The following TP63 variants were observed in gnomAD, a reference collection of about 807,000 sequenced individuals.
TP63 encodes tumor protein 63.
A neutral mutation model predicts 82.8 loss-of-function variants in TP63; 17 were observed. The observed-to-expected ratio is 0.21, with a 90% CI of 0.14 to 0.31. TP63 has a LOEUF of 0.31. Among genes scored for constraint, TP63 ranks in the 10% least tolerant of loss-of-function variants. The pLI, the probability that TP63 is intolerant of heterozygous loss-of-function variation, is 1.00. For missense variants in TP63, 648 were observed against 895.3 expected (o/e 0.72, Z 3.52); for synonymous variants, 330 against 321.7 (o/e 1.03, Z -0.28).
At chr3:189,771,299 T>TATATATATATAATATA (rs1576917775) in intron 3 of TP63, among the ~76,000 whole-genome samples, 1 of 138,928 alleles carries the variant, frequency 7.2e-6, no homozygotes. Context: ...ATATATTATA[T>TATATATATATAATATA]TTATATATAT....
At chr3:189,770,357 T>C (rs1723246660) in intron 3 of TP63, among the ~76,000 whole-genome samples, 1 of 152,090 alleles carries the variant, frequency 6.6e-6, no homozygotes, top group Non-Finnish European at 1.5e-5. Flanking sequence ...GGCAGGTGGA[T>C]TACCTGAGAT....
At chr3:189,635,594 G>A (rs1285124332) in intron 1 of TP63, among the ~76,000 whole-genome samples, 1 of 152,030 alleles carries the variant, frequency 6.6e-6, no homozygotes, top group Non-Finnish European at 1.5e-5. Flanking sequence ...TTTGGCTAAA[G>A]GCTGCAGATC....
upstream of TP63, chr3:189,631,133 C>A: frequency 1.4e-6 from 1 of 699,526 alleles, no homozygotes; most frequent in Non-Finnish European, 1.8e-6. Context: ...GCCATTCATG[C>A]CAGCATCCAA....
At chr3:189,736,923 A>T (rs977757771) in intron 1 of TP63, among the ~76,000 whole-genome samples, 4 of 152,108 alleles carry the variant, frequency 2.6e-5, no homozygotes, top group Admixed American at 6.6e-5. Flanking sequence ...TATTAAGATG[A>T]TCTGCCCGGA....
chr3:189,709,196 G>T (rs1718418456), intron 1 of TP63, among the ~76,000 whole-genome samples: 1 of 152,138 alleles, frequency 6.6e-6, no homozygotes, highest in African/African-American at 2.4e-5. Context: ...GAACAAGGAA[G>T]ATACAATATG....
At chr3:189,682,011 T>C (rs1161015642) in intron 1 of TP63, among the ~76,000 whole-genome samples, 1 of 152,124 alleles carries the variant, frequency 6.6e-6, no homozygotes, top group Non-Finnish European at 1.5e-5. Flanking sequence ...GGTGGGAGGA[T>C]CACCTGAGAA....
At chr3:189,721,616 C>T (rs1460354205) in intron 1 of TP63, among the ~76,000 whole-genome samples, 2 of 152,084 alleles carry the variant, frequency 1.3e-5, no homozygotes. Flanking sequence ...TCAGCTAGAA[C>T]TTTGTTTCAT....
intron 3 of TP63, among the ~76,000 whole-genome samples, chr3:189,764,995 G>C (rs1282176707): frequency 6.6e-6 from 1 of 152,116 alleles, no homozygotes; most frequent in East Asian, 1.9e-4. Context: ...ATGTCTGGGT[G>C]GGGTATCAGA....
chr3:189,864,109 G>T, intron 4 of TP63, 123 bp from the exon 5 acceptor site: 1 of 1,224,266 alleles, frequency 8.2e-7, no homozygotes, highest in Non-Finnish European at 1.2e-6. Flanking sequence ...ATAGTAGCCA[G>T]TAGTAAACAG....
chr3:189,890,447 A>G (rs1720900492), intron 12 of TP63, among the ~76,000 whole-genome samples: 1 of 152,192 alleles, frequency 6.6e-6, no homozygotes, highest in Admixed American at 6.5e-5. Context: ...AGAGCCAAGC[A>G]GCAAGAAAGC....
chr3:189,874,723 C>G (rs1047084388), intron 10 of TP63, among the ~76,000 whole-genome samples: 6 of 152,102 alleles, frequency 3.9e-5, no homozygotes, highest in African/African-American at 9.7e-5. Context: ...GAAATATATA[C>G]TAACATATTT....
At chr3:189,682,544 AAAAAAAAAAATATATATATATATATATAT>A (rs1716022180) in intron 1 of TP63, among the ~76,000 whole-genome samples, 1 of 27,516 alleles carries the variant, frequency 3.6e-5, no homozygotes, top group African/African-American at 1.3e-4. Context: ...GGGAAAAAAA[AAAAAAAAAAATATATATATATATATATAT>A]ATATATATAT....
At chr3:189,636,740 A>G (rs1442238204) in intron 1 of TP63, among the ~76,000 whole-genome samples, 2 of 152,148 alleles carry the variant, frequency 1.3e-5, no homozygotes, top group Admixed American at 1.3e-4. Context: ...TATTTGCCCA[A>G]TTTTTGGTGA....
intron 1 of TP63, among the ~76,000 whole-genome samples, chr3:189,665,153 G>C (rs1175456976): frequency 2.0e-5 from 3 of 152,082 alleles, no homozygotes; most frequent in Non-Finnish European, 2.9e-5. Flanking sequence ...TTATGAGAGT[G>C]TACTACCACC....
At chr3:189,746,995 AAAAAG>A (rs921120798) in intron 3 of TP63, among the ~76,000 whole-genome samples, 4 of 151,870 alleles carry the variant, frequency 2.6e-5, no homozygotes, top group African/African-American at 9.7e-5. Context: ...AGGGAAAAAA[AAAAAG>A]AAACAAAGGT....
chr3:189,861,247 T>C lies in TP63; in HGVS notation c.580-2985T>C, dbSNP rs190518676. ...TCTCCCACATATAAGTGAGGACACA[T>C]GATACTTGATTTTCTTTTTCTGAGT... On this transcript the variant is annotated intron_variant, in intron 4 of 13. Transcript: ENST00000264731. Among the ~76,000 whole-genome samples the C allele has an allele frequency of 3.7e-3, 567 of 152,290 alleles. 7 individuals carry two copies. The highest frequency in any genetic ancestry group is 0.013 in the African/African-American group (550 of 41,550).
At chr3:189,869,547 G>A (rs189494479) in intron 9 of TP63, 141 bp downstream of exon 9, 41 of 726,492 alleles carry the variant, frequency 5.6e-5, no homozygotes, top group Admixed American at 6.8e-5. Flanking sequence ...ACAAACTACC[G>A]TAGACTAGAT....
At chr3:189,823,368 G>A (rs1476479736) in intron 4 of TP63, among the ~76,000 whole-genome samples, 5 of 152,138 alleles carry the variant, frequency 3.3e-5, no homozygotes, top group Admixed American at 2.0e-4. Context: ...TCTTCAGATC[G>A]GTATATAAAG....
At chr3:189,836,147 G>C (rs1163423280) in intron 4 of TP63, among the ~76,000 whole-genome samples, 1 of 151,950 alleles carries the variant, frequency 6.6e-6, no homozygotes, top group Non-Finnish European at 1.5e-5. Context: ...TCCACATTCA[G>C]GAAACTGTTA....
Sources: gnomAD v4.1 joint callset for allele counts (sites outside exome capture counted in the v4.1 genomes callset) on GRCh38, gnomAD v4.1.1 for gene constraint, MANE v1.5 for transcripts, NCBI Gene and HGNC (gene_info 2026-07-23, HGNC 2026-07-21) for gene names.